Variants in SND1 observed in about 807,000 individuals in gnomAD.
SND1 encodes the protein staphylococcal nuclease and tudor domain containing 1, also known as staphylococcal nuclease domain-containing protein 1.
SND1 carries 38 observed loss-of-function variants against 121.7 expected under a neutral mutation model. The ratio of observed to expected loss-of-function variants is 0.31; its 90% CI spans 0.24 to 0.41. The LOEUF is 0.41. Ranked by LOEUF, SND1 falls within the 10% of genes least tolerant of loss-of-function variation. SND1 has a pLI of 1.00. For synonymous variants in SND1, 401 were observed against 447.4 expected, an observed-to-expected ratio of 0.90 and a Z score of 1.31; for missense variants, 868 against 1,184.6, an observed-to-expected ratio of 0.73 and a Z score of 3.92.
chr7:128,073,025 G>C (rs1008807773), intron 16 of SND1, among the ~76,000 whole-genome samples: 2 of 152,198 alleles, frequency 1.3e-5, no homozygotes, highest in African/African-American at 4.8e-5. Context: ...TGAGCTGCAG[G>C]GTCCCACGGT....
intron 13 of SND1, among the ~76,000 whole-genome samples, chr7:127,893,500 C>T (rs1408554712): frequency 6.6e-6 from 1 of 152,040 alleles, no homozygotes; most frequent in Non-Finnish European, 1.5e-5. Context: ...TTTAAGGTAT[C>T]TTTTAATTCT....
intron 14 of SND1, among the ~76,000 whole-genome samples, chr7:127,918,908 TTTG>T (rs1800642681): frequency 6.6e-6 from 1 of 152,208 alleles, no homozygotes; most frequent in South Asian, 2.1e-4. Context: ...ATTGGATGCA[TTTG>T]TTGTTCTTCA....
At chr7:127,926,032 A>C (rs1800826005) in intron 14 of SND1, among the ~76,000 whole-genome samples, 1 of 151,960 alleles carries the variant, frequency 6.6e-6, no homozygotes, top group Non-Finnish European at 1.5e-5. Flanking sequence ...AAATTACTTA[A>C]CTGAATTCTG....
At chr7:128,067,842 C>A (rs1793342939) in intron 16 of SND1, among the ~76,000 whole-genome samples, 2 of 152,066 alleles carry the variant, frequency 1.3e-5, no homozygotes, top group Non-Finnish European at 2.9e-5. Context: ...GCTAGTAAAT[C>A]CCCTGTGTGA....
chr7:127,774,061 G>A (rs1017099188), intron 10 of SND1, among the ~76,000 whole-genome samples: 29 of 152,168 alleles, frequency 1.9e-4, no homozygotes, highest in Non-Finnish European at 2.6e-4. Flanking sequence ...TCGTTTTAGA[G>A]TATACTCTTT....
At chr7:128,081,325 C>T (rs771255525) in intron 17 of SND1, 35 bp from the exon 18 acceptor site, 15 of 1,612,554 alleles carry the variant, frequency 9.3e-6, no homozygotes, top group African/African-American at 6.7e-5. Flanking sequence ...TTCACTTCCT[C>T]GCCCTCTTCT....
chr7:128,047,867 G>A lies in SND1; in HGVS notation c.1780-26635G>A, dbSNP rs534838085. ...AACCTGCATCTTTTTTTTTTTTTGA[G>A]ACGAAATTTCGCTCTTATTGCCCAG... On this transcript the variant is annotated intron_variant, in intron 16 of 23. Coordinates refer to ENST00000354725, the MANE Select transcript of SND1 (RefSeq NM_014390.4). 4.0e-5 allele frequency among the ~76,000 whole-genome samples: 6 copies of A among 149,732 alleles called. No individual in the cohort carries two copies. The South Asian group carries it at 6.3e-4, about 16-fold the overall frequency.
chr7:127,964,751 T>G (rs1299777326), intron 15 of SND1, among the ~76,000 whole-genome samples: 3 of 143,692 alleles, frequency 2.1e-5, no homozygotes, highest in Non-Finnish European at 3.0e-5. Context: ...GTTTTTTGGT[T>G]CCATATGAAC....
intron 12 of SND1, among the ~76,000 whole-genome samples, chr7:127,852,688 A>G (rs1427962779): frequency 6.6e-6 from 1 of 151,834 alleles, no homozygotes; most frequent in Non-Finnish European, 1.5e-5. Flanking sequence ...GCGCACGCCT[A>G]TAGTCCCAGC....
chr7:127,697,161 C>T (rs904871461), intron 3 of SND1, among the ~76,000 whole-genome samples: 3 of 152,130 alleles, frequency 2.0e-5, no homozygotes, highest in Non-Finnish European at 2.9e-5. Context: ...TATAATCACC[C>T]ACCTGCTCTG....
In SND1 at chr7:128,081,500, C is replaced by T. The variant is rs1038704250; in HGVS notation, c.2109C>T (p.Thr703=). 9 of 1,613,684 alleles carry T rather than the reference C, an allele frequency of 5.6e-6. No homozygotes were observed. The highest frequency in any genetic ancestry group is 4.0e-5 in the African/African-American group (3 of 75,046). Residue 703 remains threonine (T), a splice_region_variant and synonymous_variant, in exon 18 of 24, where the codon ACC becomes ACT. Transcript: ENST00000354725. ...ACTTCTACGTGCAGGATGTGGAGACCGGTGAGTGCTCAGGCCGCTGGCTCG... is the reference window on the plus strand; with the variant it reads ...ACTTCTACGTGCAGGATGTGGAGACTGGTGAGTGCTCAGGCCGCTGGCTCG... ...DLHFYVQDVE[T]GTQLEKLMEN...
chr7:127,715,164 GTTTT>G (rs55679351), intron 9 of SND1, among the ~76,000 whole-genome samples: 1 of 145,662 alleles, frequency 6.9e-6, no homozygotes, highest in African/African-American at 2.5e-5. Context: ...TTTTGGTTTT[GTTTT>G]TTTTTTTTAT....
At chr7:127,710,957 AT>A (rs547253482) in intron 9 of SND1, among the ~76,000 whole-genome samples, 29 of 152,214 alleles carry the variant, frequency 1.9e-4, no homozygotes, top group East Asian at 7.7e-4. Context: ...TTCCTGCAAA[AT>A]TTTTTTGTTT....
intron 16 of SND1, among the ~76,000 whole-genome samples, chr7:128,048,098 A>G (rs4731392): frequency 0.32 from 48,192 of 151,766 alleles, 8,246 homozygotes; most frequent in African/African-American, 0.42. Flanking sequence ...CACCCGTCTT[A>G]GCCTCCCAAA....
chr7:127,809,150 G>A (rs894747509), intron 11 of SND1, among the ~76,000 whole-genome samples: 1 of 152,190 alleles, frequency 6.6e-6, no homozygotes, highest in Non-Finnish European at 1.5e-5. Context: ...ATTGTAAAGT[G>A]CTCTGTCACA....
chr7:127,683,948 C>G (rs183054622), intron 1 of SND1, among the ~76,000 whole-genome samples: 1 of 152,198 alleles, frequency 6.6e-6, no homozygotes, highest in African/African-American at 2.4e-5. Context: ...AGAGGGCATA[C>G]AAAGGAGTTT....
intron 15 of SND1, among the ~76,000 whole-genome samples, chr7:127,937,466 C>G (rs1194457415): frequency 1.3e-5 from 2 of 151,956 alleles, no homozygotes; most frequent in Admixed American, 1.3e-4. Flanking sequence ...TCTCCTCTCC[C>G]TCTCCCTCCC....
chr7:127,704,965 C>T lies in SND1; in HGVS notation c.947+20C>T, dbSNP rs1796163887. On this transcript the variant is annotated intron_variant, in intron 8 of 23. Transcript: ENST00000354725. ...AGAGAGGTAAGGTCTGTCCAAGAGG[C>T]CTTCCAGCTGTGGATCTTGTTAAGG... The T allele has an allele frequency of 2.5e-6, 4 of 1,591,460 alleles. No individual in the cohort carries two copies. Among genetic ancestry groups the T allele is most frequent in the Non-Finnish European group, 3.4e-6 (4 of 1,159,628 alleles).
At chr7:128,061,356 G>A (rs1240638392) in intron 16 of SND1, among the ~76,000 whole-genome samples, 1 of 152,158 alleles carries the variant, frequency 6.6e-6, no homozygotes, top group Non-Finnish European at 1.5e-5. Flanking sequence ...GAACTTTTAG[G>A]AGCTGATCAC....
Sources: allele counts gnomAD v4.1 joint callset (sites outside exome capture counted in the v4.1 genomes callset), GRCh38; gene constraint gnomAD v4.1.1; transcripts MANE v1.5; gene names NCBI Gene and HGNC (gene_info 2026-07-23, HGNC 2026-07-21).